Variants in RABGAP1L observed in about 807,000 individuals in gnomAD.
The protein encoded by RABGAP1L is rab GTPase-activating protein 1-like.
Under a neutral mutation model 137.7 loss-of-function variants are expected in RABGAP1L, and 63 were observed. The observed-to-expected ratio is 0.46, with a 90% confidence interval of 0.37 to 0.56. The LOEUF (loss-of-function observed/expected upper bound fraction) is 0.56, where lower values mean the gene tolerates loss of function less well. Among genes scored for constraint, RABGAP1L ranks in the 20% least tolerant of loss-of-function variants. The pLI, the probability that RABGAP1L is intolerant of heterozygous loss-of-function variation, is 0.00. For synonymous variants in RABGAP1L, 431 were observed against 433.7 expected, an observed-to-expected ratio of 0.99 and a Z score of 0.08; for missense variants, 1,095 against 1,244.0, an observed-to-expected ratio of 0.88 and a Z score of 1.80.
chr1:174,507,472 C>T (rs1231106147), intron 13 of RABGAP1L, among the ~76,000 whole-genome samples: 1 of 152,082 alleles, frequency 6.6e-6, no homozygotes, highest in African/African-American at 2.4e-5. Context: ...CCTATAGTAT[C>T]AATTTTTTAT....
chr1:174,590,605 G>GT (rs1390242203), intron 13 of RABGAP1L, among the ~76,000 whole-genome samples: 3 of 63,378 alleles, frequency 4.7e-5, no homozygotes, highest in African/African-American at 2.1e-4. Flanking sequence ...GCGGTGTTTG[G>GT]TTTTTTGTTC....
At chr1:174,944,072 A>G (rs1666330809) in intron 19 of RABGAP1L, among the ~76,000 whole-genome samples, 1 of 152,124 alleles carries the variant, frequency 6.6e-6, no homozygotes, top group Non-Finnish European at 1.5e-5. Flanking sequence ...AGAGTTCAAG[A>G]CCAGCCTGGC....
At chr1:174,583,144 C>G (rs1003717359) in intron 13 of RABGAP1L, among the ~76,000 whole-genome samples, 41 of 152,092 alleles carry the variant, frequency 2.7e-4, no homozygotes, top group African/African-American at 9.2e-4. Flanking sequence ...GTGAAGATTT[C>G]ATGTCATCTA....
intron 12 of RABGAP1L, among the ~76,000 whole-genome samples, chr1:174,379,105 G>A (rs1328192527): frequency 2.1e-5 from 3 of 142,964 alleles, no homozygotes; most frequent in Non-Finnish European, 4.6e-5. Flanking sequence ...GTAGATATGC[G>A]GCGTTATTTC....
chr1:174,889,046 G>T (rs1235725644), intron 19 of RABGAP1L, among the ~76,000 whole-genome samples: 1 of 151,796 alleles, frequency 6.6e-6, no homozygotes, highest in East Asian at 1.9e-4. Context: ...GTGGAATCAG[G>T]TTAGAGTCTA....
At chr1:174,728,445 C>T (rs1319020219) in intron 17 of RABGAP1L, among the ~76,000 whole-genome samples, 2 of 152,074 alleles carry the variant, frequency 1.3e-5, no homozygotes, top group Non-Finnish European at 2.9e-5. Flanking sequence ...AGGAGAACCA[C>T]AAAATGCTGC....
At position 174,438,750 on chromosome 1, in the gene RABGAP1L, A is replaced by ATG. The variant is rs1364084471; in HGVS notation, c.1710+44606_1710+44607insGT. ...CCAAAAAAAGTGTGTGTGTGTATAT[A>ATG]TATATATATATATATATATATATAT... On this transcript the variant is annotated intron_variant, in intron 13 of 25. Transcript: ENST00000681986. Among the ~76,000 whole-genome samples the ATG allele has an allele frequency of 1.5e-4, 17 of 117,016 alleles. No homozygotes were observed. In the East Asian group the frequency reaches 3.6e-3, roughly 25 times the overall value. The allele number at this position is 117,016 out of a possible 152,430, so 76.8% of individuals were successfully genotyped here. A position where few individuals can be genotyped will look rare whatever the true frequency, so the allele number is the denominator to read the frequency against.
At chr1:174,165,577 C>T (rs1208962734) in intron 1 of RABGAP1L, among the ~76,000 whole-genome samples, 27 of 151,898 alleles carry the variant, frequency 1.8e-4, no homozygotes, top group Admixed American at 1.7e-3. Flanking sequence ...CAGCTCACTG[C>T]ATCCTTGATT....
intron 19 of RABGAP1L, among the ~76,000 whole-genome samples, chr1:174,880,934 G>A (rs931161260): frequency 1.6e-4 from 24 of 152,130 alleles, no homozygotes; most frequent in Non-Finnish European, 3.5e-4. Context: ...ACTAACAGGA[G>A]TTTTCTAGGC....
intron 11 of RABGAP1L, among the ~76,000 whole-genome samples, chr1:174,320,984 G>A (rs1322096053): frequency 6.6e-6 from 1 of 152,114 alleles, no homozygotes; most frequent in Non-Finnish European, 1.5e-5. Context: ...TTACAAAAGT[G>A]AATAGGAGAA....
At chr1:174,328,489 G>A (rs528058189) in intron 11 of RABGAP1L, among the ~76,000 whole-genome samples, 1 of 152,178 alleles carries the variant, frequency 6.6e-6, no homozygotes, top group South Asian at 2.1e-4. Context: ...AAATTTCTTG[G>A]CCGGGCACGT....
intron 13 of RABGAP1L, among the ~76,000 whole-genome samples, chr1:174,450,714 A>T (rs1312441664): frequency 6.6e-6 from 1 of 152,172 alleles, no homozygotes; most frequent in East Asian, 1.9e-4. Flanking sequence ...TTAGCGAAGC[A>T]AGTATGAGCA....
chr1:174,172,944 G>A (rs556690552), intron 1 of RABGAP1L, among the ~76,000 whole-genome samples: 2 of 152,132 alleles, frequency 1.3e-5, no homozygotes, highest in East Asian at 3.9e-4. Context: ...CAATATCAGG[G>A]AGCTTTTCCC....
chr1:174,674,014 C>T (rs1223862863), intron 14 of RABGAP1L, among the ~76,000 whole-genome samples: 1 of 151,620 alleles, frequency 6.6e-6, no homozygotes, highest in African/African-American at 2.4e-5. Context: ...AATTATACCT[C>T]CATAAACATG....
intron 13 of RABGAP1L, among the ~76,000 whole-genome samples, chr1:174,532,405 C>T (rs1664499848): frequency 1.3e-5 from 2 of 152,050 alleles, no homozygotes; most frequent in Middle Eastern, 6.8e-3. Flanking sequence ...GACAGGGTTT[C>T]ACCATGTTGG....
At chr1:174,204,322 TG>T in intron 1 of RABGAP1L, among the ~76,000 whole-genome samples, 1 of 152,304 alleles carries the variant, frequency 6.6e-6, no homozygotes, top group African/African-American at 2.4e-5. Context: ...GGGCTGAGAC[TG>T]GGGCTTTCTA....
intron 1 of RABGAP1L, among the ~76,000 whole-genome samples, chr1:174,172,190 GTGTGT>G: frequency 7.7e-6 from 1 of 129,692 alleles, no homozygotes; most frequent in African/African-American, 4.2e-5. Context: ...GTGTGTGTGT[GTGTGT>G]GTGTGTGTGT....
intron 13 of RABGAP1L, among the ~76,000 whole-genome samples, chr1:174,398,819 A>G (rs2149095919): frequency 6.6e-6 from 1 of 152,298 alleles, no homozygotes; most frequent in South Asian, 2.1e-4. Flanking sequence ...CTGTTCCCCA[A>G]CTGCCTCTTA....
chr1:174,213,990 A>T (rs1387718579), intron 1 of RABGAP1L, among the ~76,000 whole-genome samples: 1 of 152,214 alleles, frequency 6.6e-6, no homozygotes, highest in African/African-American at 2.4e-5. Flanking sequence ...AGTCCTAGCT[A>T]GAGCTATCAG....
Sources: allele counts gnomAD v4.1 joint callset (sites outside exome capture counted in the v4.1 genomes callset), GRCh38; gene constraint gnomAD v4.1.1; transcripts MANE v1.5; gene names NCBI Gene and HGNC (gene_info 2026-07-23, HGNC 2026-07-21).